The following PTPRK variants were observed in gnomAD, a reference collection of about 807,000 sequenced individuals.
The protein encoded by PTPRK is receptor-type tyrosine-protein phosphatase kappa.
Under a neutral mutation model 178.0 loss-of-function variants are expected in PTPRK, and 75 were observed. That is an observed-to-expected ratio of 0.42 (90% CI 0.35 to 0.51). The LOEUF is 0.51. Ranked by LOEUF, PTPRK falls within the 20% of genes least tolerant of loss-of-function variation. The pLI, the probability that PTPRK is intolerant of heterozygous loss-of-function variation, is 0.02. For missense variants in PTPRK, 1,441 were observed against 1,797.8 expected (o/e 0.80, Z 3.59); for synonymous variants, 637 against 620.6 (o/e 1.03, Z -0.39).
At chr6:127,987,596 C>A (rs1195295194) in intron 21 of PTPRK, among the ~76,000 whole-genome samples, 1 of 152,024 alleles carries the variant, frequency 6.6e-6, no homozygotes, top group Non-Finnish European at 1.5e-5. Context: ...AATGTTTATA[C>A]ATCCCATTTA....
At chr6:128,332,571 A>G (rs1830418869) in intron 2 of PTPRK, among the ~76,000 whole-genome samples, 1 of 152,248 alleles carries the variant, frequency 6.6e-6, no homozygotes, top group Non-Finnish European at 1.5e-5. Context: ...TCCACCAAAC[A>G]GTAAAGAAAA....
chr6:128,292,845 C>T (rs1823621432), intron 3 of PTPRK, among the ~76,000 whole-genome samples: 1 of 151,922 alleles, frequency 6.6e-6, no homozygotes, highest in African/African-American at 2.4e-5. Flanking sequence ...GCTAGACAAG[C>T]GCAACAGCTG....
intron 3 of PTPRK, among the ~76,000 whole-genome samples, chr6:128,289,042 T>A (rs1343422295): frequency 6.6e-6 from 1 of 152,112 alleles, no homozygotes; most frequent in Non-Finnish European, 1.5e-5. Flanking sequence ...CGTGCACCAG[T>A]GCTTCTTGAA....
At chr6:128,447,915 C>T (rs1216184013) in intron 1 of PTPRK, among the ~76,000 whole-genome samples, 1 of 152,156 alleles carries the variant, frequency 6.6e-6, no homozygotes, top group African/African-American at 2.4e-5. Flanking sequence ...AGCCACCGCG[C>T]CCGGCCCATT....
intron 1 of PTPRK, among the ~76,000 whole-genome samples, chr6:128,493,591 TACACACAC>T (rs59656384): frequency 0.08 from 9,910 of 123,858 alleles, 395 homozygotes; most frequent in South Asian, 0.082. Flanking sequence ...TCCCGCCCCC[TACACACAC>T]ACACACACAC....
intron 13 of PTPRK, among the ~76,000 whole-genome samples, chr6:128,012,123 T>C (rs1779123663): frequency 6.6e-6 from 1 of 151,262 alleles, no homozygotes; most frequent in Non-Finnish European, 1.5e-5. Flanking sequence ...GATTTGGTGG[T>C]TGTTTTCCTT....
intron 1 of PTPRK, among the ~76,000 whole-genome samples, chr6:128,428,972 T>C (rs1281434421): frequency 6.6e-6 from 1 of 152,254 alleles, no homozygotes; most frequent in African/African-American, 2.4e-5. Flanking sequence ...AGCTAGGTTG[T>C]AATTTTCATT....
chr6:128,304,185 CAA>C (rs1158539825), intron 3 of PTPRK, among the ~76,000 whole-genome samples: 1 of 152,306 alleles, frequency 6.6e-6, no homozygotes, highest in African/African-American at 2.4e-5. Context: ...TCTTGCCAAG[CAA>C]AACCTAAGTA....
chr6:128,165,122 C>A (rs985298264), intron 7 of PTPRK, among the ~76,000 whole-genome samples: 3 of 150,932 alleles, frequency 2.0e-5, no homozygotes, highest in Admixed American at 1.3e-4. Flanking sequence ...AGACTTTGGC[C>A]TACCGCATTA....
At chr6:128,219,744 T>C (rs563667632) in intron 5 of PTPRK, among the ~76,000 whole-genome samples, 1 of 152,362 alleles carries the variant, frequency 6.6e-6, no homozygotes, top group Non-Finnish European at 1.5e-5. Flanking sequence ...GAGTAATATA[T>C]ACAAGCTTCT....
chr6:127,978,983 A>G (rs1394376109), intron 25 of PTPRK, among the ~76,000 whole-genome samples: 2 of 152,228 alleles, frequency 1.3e-5, no homozygotes, highest in Non-Finnish European at 2.9e-5. Context: ...AGCTTTAACT[A>G]TGAAATGTCT....
rs118121705 is a variant in PTPRK at position 128,264,575 on chromosome 6, A to T, written c.496-21973T>A. Among the ~76,000 whole-genome samples the T allele has an allele frequency of 3.4e-3, 511 of 152,178 alleles. 6 individuals carry two copies. The highest frequency in any genetic ancestry group is 6.2e-3 in the Non-Finnish European group (420 of 67,980). On this transcript the variant is annotated intron_variant, in intron 3 of 29. Coordinates refer to ENST00000368226, the MANE Select transcript of PTPRK (RefSeq NM_002844.4). ...CAGGCATGATCATAGTGCACTACAA[A>T]CTTAAACTCCTAGGCTCAAGCAATC... is the stretch of plus-strand genomic sequence containing the variant.
intron 6 of PTPRK, among the ~76,000 whole-genome samples, chr6:128,203,943 C>T (rs574532439): frequency 6.6e-6 from 1 of 152,120 alleles, no homozygotes; most frequent in South Asian, 2.1e-4. Flanking sequence ...TCATATGGAA[C>T]CAAAAAAGAT....
At chr6:128,506,811 A>C (rs1261021901) in intron 1 of PTPRK, among the ~76,000 whole-genome samples, 2 of 152,066 alleles carry the variant, frequency 1.3e-5, no homozygotes, top group African/African-American at 4.8e-5. Context: ...GAGCTGATTT[A>C]CTTCAGGCAT....
At chr6:128,072,827 A>G (rs1376217954) in intron 11 of PTPRK, among the ~76,000 whole-genome samples, 3 of 152,040 alleles carry the variant, frequency 2.0e-5, no homozygotes, top group African/African-American at 7.2e-5. Context: ...GATGAGGATG[A>G]CTGAAGGATG....
Position 128,009,289 on chromosome 6 carries a change from A to T in PTPRK, c.2195-21T>A, listed in dbSNP as rs774014531. On this transcript the variant is annotated intron_variant, in intron 13 of 29. Transcript: ENST00000368226. ...TGCTGCTAAATGGATAAAAAAAAAA[A>T]TCAGTTACTGAAAGAAGCTAATAAT... 7 of 1,588,134 alleles carry T rather than the reference A, an allele frequency of 4.4e-6. No individual in the cohort carries two copies. The South Asian group carries it at 8.1e-5, about 18-fold the overall frequency.
intron 6 of PTPRK, among the ~76,000 whole-genome samples, chr6:128,201,230 G>C (rs2128258032): frequency 6.6e-6 from 1 of 152,258 alleles, no homozygotes; most frequent in South Asian, 2.1e-4. Flanking sequence ...GCGCTACAAA[G>C]GCAATTCATA....
chr6:128,192,705 A>G (rs1213673567), intron 6 of PTPRK, among the ~76,000 whole-genome samples: 1 of 151,752 alleles, frequency 6.6e-6, no homozygotes, highest in Non-Finnish European at 1.5e-5. Flanking sequence ...GGTCCCAGCT[A>G]CTCGGGAGGC....
chr6:128,467,407 C>T (rs1397487798), intron 1 of PTPRK, among the ~76,000 whole-genome samples: 10 of 152,134 alleles, frequency 6.6e-5, no homozygotes, highest in Admixed American at 6.5e-4. Flanking sequence ...GAGAATTCTA[C>T]AAAATAGCAA....
Sources: allele counts gnomAD v4.1 joint callset (sites outside exome capture counted in the v4.1 genomes callset), GRCh38; gene constraint gnomAD v4.1.1; transcripts MANE v1.5; gene names NCBI Gene and HGNC (gene_info 2026-07-23, HGNC 2026-07-21).